Variants in ATP13A2 observed in about 807,000 individuals in gnomAD.
ATP13A2 encodes ATPase cation transporting 13A2, also known as polyamine-transporting ATPase 13A2.
Under a neutral mutation model 138.3 loss-of-function variants are expected in ATP13A2, and 83 were observed. That is an observed-to-expected ratio of 0.60 (90% CI 0.50 to 0.72). ATP13A2 has a LOEUF of 0.72. Among genes scored for constraint, ATP13A2 ranks in the 30% least tolerant of loss-of-function variants. ATP13A2 has a pLI of 0.00. For synonymous variants in ATP13A2, 663 were observed against 699.0 expected, an observed-to-expected ratio of 0.95 and a Z score of 0.81; for missense variants, 1,402 against 1,606.4, an observed-to-expected ratio of 0.87 and a Z score of 2.17.
Position 16,986,953 on chromosome 1 carries a change from G to A in ATP13A2, c.3087C>T (p.Phe1029=), listed in dbSNP as rs184878897. ...GYFLTLAQPW[F]VPLNRTVAAP... is the part of the protein sequence containing the mutation. ...CGGCCACTGTCCTGTTCAGAGGCAC[G>A]AACCTGGGGGTACAGGGATGGGGGT... Residue 1029 remains phenylalanine, a synonymous_variant, in exon 27 of 29, where the codon TTC becomes TTT. Transcript: ENST00000326735. The surrounding 1 kb of genome is among the most constrained non-coding windows in gnomAD (Gnocchi z 6.9). The A allele has an allele frequency of 2.6e-4, 425 of 1,613,502 alleles. 11 individuals are homozygous for A. In the East Asian group the frequency reaches 5.3e-3, roughly 20 times the overall value.
At position 17,011,368 on chromosome 1, in the gene ATP13A2, C is replaced by A. The variant is rs917299063; in HGVS notation, c.10+361G>T. ...CAGCCGTCTCCCCCACCTGGACATC[C>A]GTCACTCGGGGTGGGATCCGATTAA... On this transcript the variant is annotated intron_variant, in intron 1 of 28. Coordinates refer to ENST00000326735, the MANE Select transcript of ATP13A2 (RefSeq NM_022089.4). This position sits in a 1 kb window ranked among gnomAD's most constrained non-coding sequence, Gnocchi z 7.3. 1.3e-5 allele frequency among the ~76,000 whole-genome samples: 2 copies of A among 152,166 alleles called. No homozygotes were observed. The highest frequency in any genetic ancestry group is 2.9e-5 in the Non-Finnish European group (2 of 68,028).
rs74058368 is a variant in ATP13A2, at chr1:17,001,906, G to A, written c.705+128C>T. 1.3e-3 allele frequency: 1,204 copies of A among 941,994 alleles called. 12 individuals carry two copies. In the African/African-American group the frequency reaches 0.018, roughly 14 times the overall value. The allele number at this position is 941,994 out of a possible 1,614,324, so 58.4% of individuals were successfully genotyped here. On this transcript the variant is annotated intron_variant, in intron 8 of 28. Transcript: ENST00000326735. Reference sequence around the variant, plus strand: ...TGACTGCGGCAGGTTCTGAGATGACGATCCACTATGGAGAAGGGGACAGCT... The same window carrying A: ...TGACTGCGGCAGGTTCTGAGATGACAATCCACTATGGAGAAGGGGACAGCT...
rs374074690 is a variant in ATP13A2, at chr1:17,002,040, C to A, written c.699G>T (p.Val233=). The change falls in exon 8 of 29, where the codon GTG becomes GTT. Residue 233 remains valine, a synonymous_variant. Transcript: ENST00000326735. ...GACCCAGGGACAGCCCTACCTCGTCCACCAGCAGCTGGGGGTAGGACTTGA... is the reference window on the plus strand; with the variant it reads ...GACCCAGGGACAGCCCTACCTCGTCAACCAGCAGCTGGGGGTAGGACTTGA... ...IPVKSYPQLL[V]DEALNPYYGF... is the part of the protein sequence containing the mutation. 1.2e-4 allele frequency: 201 copies of A among 1,611,662 alleles called. No homozygotes were observed. Among genetic ancestry groups the A allele is most frequent in the Non-Finnish European group, 1.6e-4 (187 of 1,178,802 alleles).
rs376331099 is a variant in ATP13A2 at position 17,001,263 on chromosome 1, C to CAAAAAAAAA, written c.706-738_706-730dup. Among the ~76,000 whole-genome samples, 61 of 124,028 alleles carry CAAAAAAAAA rather than the reference C, an allele frequency of 4.9e-4. 3 individuals are homozygous for CAAAAAAAAA. Among genetic ancestry groups the CAAAAAAAAA allele is most frequent in the African/African-American group, 1.3e-3 (42 of 31,976 alleles). 81.4% of individuals were successfully genotyped at this position (124,028 alleles called of 152,430 possible). A position where few individuals can be genotyped will look rare whatever the true frequency, so the allele number is the denominator to read the frequency against. Reference sequence around the variant, plus strand: ...TGAATCCCCGTATCTACTAAAAATACAAAAAAAAAAAAAAATTAGCTGGGC... The same window carrying CAAAAAAAAA: ...TGAATCCCCGTATCTACTAAAAATACAAAAAAAAAAAAAAAAAAAAAAAATTAGCTGGGC... On this transcript the variant is annotated intron_variant, in intron 8 of 28. Transcript: ENST00000326735.
intron 1 of ATP13A2, among the ~76,000 whole-genome samples, chr1:17,008,319 A>G (rs563715492): frequency 1.3e-5 from 2 of 152,232 alleles, no homozygotes; most frequent in Admixed American, 1.3e-4. Flanking sequence ...TTTTTTTTGT[A>G]GAGACAGGGT....
At chr1:17,000,713 T>C in intron 8 of ATP13A2, 179 bp from the exon 9 acceptor site, 1 of 760,920 alleles carries the variant, frequency 1.3e-6, no homozygotes, top group East Asian at 2.7e-5. Context: ...GCCCTCAGTT[T>C]CTCCGCTCTA....
At chr1:17,002,011 G>A (rs1361360390) in intron 8 of ATP13A2, 23 bp downstream of exon 8, 4 of 1,601,450 alleles carry the variant, frequency 2.5e-6, no homozygotes, top group Non-Finnish European at 3.4e-6. Context: ...CAGGGCTGGG[G>A]CAAGACCCAG....
rs146588989 is a variant in ATP13A2, at chr1:16,996,188, G to A, written c.1354-24C>T. ...ACCTGGCAGGGGGCACCATGAATGT[G>A]AGCACCTGGCTGGTTGGCCCCTGGG... On this transcript the variant is annotated intron_variant, in intron 14 of 28. Transcript: ENST00000326735. The A allele has an allele frequency of 1.2e-4, 201 of 1,614,184 alleles. 2 individuals are homozygous for A. The African/African-American group carries it at 2.5e-3, about 20-fold the overall frequency.
intron 23 of ATP13A2, 91 bp from the exon 24 acceptor site, chr1:16,988,565 A>T: frequency 6.5e-7 from 1 of 1,538,532 alleles, no homozygotes; most frequent in Non-Finnish European, 9.0e-7. Context: ...TGGGCCCCTA[A>T]TGCCACATGG....
rs1485829340 is a variant in ATP13A2 at position 17,011,773 on chromosome 1, T to A, written c.-35A>T. On this transcript the variant is annotated 5_prime_UTR_variant, in exon 1 of 29. Transcript: ENST00000326735. The surrounding 1 kb of genome is among the most constrained non-coding windows in gnomAD (Gnocchi z 7.3). Reference sequence around the variant, plus strand: ...TCGCGCTCATCGCCGGCCCCGGCGCTGCGGCCCTCGGCCTGGGCCCCGGCG... The same window carrying A: ...TCGCGCTCATCGCCGGCCCCGGCGCAGCGGCCCTCGGCCTGGGCCCCGGCG... 1 of 1,424,514 alleles carries A rather than the reference T, an allele frequency of 7.0e-7. No homozygotes were observed. The allele number at this position is 1,424,514 out of a possible 1,614,324, so 88.2% of individuals were successfully genotyped here. A position where few individuals can be genotyped will look rare whatever the true frequency, so the allele number is the denominator to read the frequency against.
Position 17,005,567 on chromosome 1 carries a change from A to G in ATP13A2, c.106-11T>C, listed in dbSNP as rs1339346894. The G allele has an allele frequency of 6.2e-7, 1 of 1,614,232 alleles. No individual in the cohort carries two copies. Among genetic ancestry groups the G allele is most frequent in the South Asian group, 1.1e-5 (1 of 91,088 alleles). On this transcript the variant is annotated splice_polypyrimidine_tract_variant and intron_variant, in intron 2 of 28. Transcript: ENST00000326735. ...GTAGCCGCTGAGCCTCTGCGAACGC[A>G]GCGAGAGAGGGCCCAGGTCGGGGTG...
Position 16,996,399 on chromosome 1 carries a change from G to A in ATP13A2, c.1293C>T (p.Ala431=). 1 of 1,614,106 alleles carries A rather than the reference G, an allele frequency of 6.2e-7. No individual in the cohort carries two copies. The highest frequency in any genetic ancestry group is 8.5e-7 in the Non-Finnish European group (1 of 1,180,002). Residue 431 remains alanine, a synonymous_variant, in exon 13 of 29, where the codon GCC becomes GCT. Coordinates refer to ENST00000326735, the MANE Select transcript of ATP13A2 (RefSeq NM_022089.4). ...GGGGCCACTCACCCAGGACAGAGAG[G>A]GCAGCCACAAACTTCATGCTGTGTT... The part of the protein sequence containing the change: ...FYKHSMKFVA[A]LSVLALLGTI...
intron 1 of ATP13A2, among the ~76,000 whole-genome samples, chr1:17,009,410 T>TTA (rs1491052622): frequency 1.6e-5 from 2 of 126,896 alleles, no homozygotes; most frequent in Non-Finnish European, 3.4e-5. Flanking sequence ...TTTTTTTTTT[T>TTA]AAAAGAGACA....
chr1:17,003,174 T>C (rs989081462), intron 6 of ATP13A2, among the ~76,000 whole-genome samples: 4 of 152,084 alleles, frequency 2.6e-5, no homozygotes, highest in African/African-American at 9.7e-5. Flanking sequence ...CGTGCTTCCA[T>C]CCCTTCCCCA....
chr1:16,999,762 G>A (rs985661617), intron 11 of ATP13A2, among the ~76,000 whole-genome samples: 7 of 152,092 alleles, frequency 4.6e-5, no homozygotes, highest in Non-Finnish European at 7.3e-5. Context: ...TTAGCTGGGC[G>A]TGATGGTATG....
rs1192387119 is a variant in ATP13A2, at chr1:17,004,300, G to A, written c.557+32C>T. 9 of 1,606,604 alleles carry A rather than the reference G, an allele frequency of 5.6e-6. No homozygotes were observed. In the South Asian group the frequency reaches 8.9e-5, roughly 16 times the overall value. On this transcript the variant is annotated intron_variant, in intron 6 of 28. Transcript: ENST00000326735. The surrounding 1 kb of genome is among the most constrained non-coding windows in gnomAD (Gnocchi z 4.1). ...GCCCAAACCAGTGCCACTCTGGGAGGTGACATGAGCCACACAGGCCCTGAC... is the reference window on the plus strand; with the variant it reads ...GCCCAAACCAGTGCCACTCTGGGAGATGACATGAGCCACACAGGCCCTGAC...
chr1:16,996,286 T>C lies in ATP13A2; in HGVS notation c.1321A>G (p.Ile441Val). The C allele has an allele frequency of 6.2e-7, 1 of 1,614,084 alleles. No individual in the cohort carries two copies. Among genetic ancestry groups the C allele is most frequent in the Non-Finnish European group, 8.5e-7 (1 of 1,180,010 alleles). Reference protein sequence around the residue: ...ALSVLALLGTIYSIFILYRNR... With the variant: ...ALSVLALLGTVYSIFILYRNR... ...CGGTAGAGGATGAAGATGCTGTAGA[T>C]GGTGCCGAGGAGAGCTGTGGGGACA... The change falls in exon 14 of 29, where the codon ATC (isoleucine) becomes GTC (valine). Residue 441 changes from isoleucine (I) to valine (V), a missense_variant. Coordinates refer to ENST00000326735, the MANE Select transcript of ATP13A2 (RefSeq NM_022089.4).
intron 6 of ATP13A2, among the ~76,000 whole-genome samples, chr1:17,003,012 C>T (rs1384625432): frequency 1.3e-5 from 2 of 152,116 alleles, no homozygotes; most frequent in South Asian, 2.1e-4. Context: ...CTTTGTGTCC[C>T]GTGACTGATA....
chr1:17,000,308 C>T lies in ATP13A2; in HGVS notation c.845G>A (p.Ser282Asn), dbSNP rs1489954716. The change falls in exon 10 of 29, where the codon AGC (serine) becomes AAC (asparagine). Residue 282 changes from serine to asparagine, a missense_variant. Coordinates refer to ENST00000326735, the MANE Select transcript of ATP13A2 (RefSeq NM_022089.4). ...CLSLYKTRKQSQTLRDMVKLS... is the reference protein window; with the variant it reads ...CLSLYKTRKQNQTLRDMVKLS... ...CTTGACCATGTCCCTTAGAGTCTGG[C>T]TTTGCTGTGGGCAGGGGACAAGAGG... The T allele has an allele frequency of 1.3e-6, 2 of 1,581,718 alleles. No individual in the cohort carries two copies. Among genetic ancestry groups the T allele is most frequent in the East Asian group, 2.3e-5 (1 of 43,246 alleles).
Sources: gnomAD v4.1 joint callset for allele counts (sites outside exome capture counted in the v4.1 genomes callset) on GRCh38, gnomAD v4.1.1 for gene constraint, Gnocchi (gnomAD v3.1) non-coding constraint, MANE v1.5 for transcripts, NCBI Gene and HGNC (gene_info 2026-07-23, HGNC 2026-07-21) for gene names.